The following HGSNAT variants were observed in gnomAD, a reference collection of about 807,000 sequenced individuals.
HGSNAT encodes the protein transmembrane protein 76.
Under a neutral mutation model 85.2 loss-of-function variants are expected in HGSNAT, and 59 were observed. The ratio of observed to expected loss-of-function variants is 0.69; its 90% CI spans 0.56 to 0.86. The LOEUF is 0.86. HGSNAT is among the 40% of genes least tolerant of loss of function. The pLI is 0.00. For missense variants in HGSNAT, 756 were observed against 777.1 expected (o/e 0.97, Z 0.32); for synonymous variants, 321 against 304.5 (o/e 1.05, Z -0.56).
At chr8:43,194,514 GTGT>G in intron 14 of HGSNAT, 5 of 985,252 alleles carry the variant, frequency 5.1e-6, no homozygotes, top group Non-Finnish European at 6.0e-6. Flanking sequence ...ATTAGTCTGT[GTGT>G]CCTGACCTAA....
chr8:43,148,599 C>T (rs555588163), intron 2 of HGSNAT, among the ~76,000 whole-genome samples: 1 of 151,594 alleles, frequency 6.6e-6, no homozygotes, highest in Admixed American at 6.6e-5. Context: ...ATCAGCCTGG[C>T]CAACATGGTG....
chr8:43,170,202 C>T (rs968510792), intron 6 of HGSNAT, among the ~76,000 whole-genome samples: 1 of 152,184 alleles, frequency 6.6e-6, no homozygotes, highest in Non-Finnish European at 1.5e-5. Context: ...AAAATTGATG[C>T]CGGTTGCGGT....
At chr8:43,196,083 C>A (rs945631785) in intron 14 of HGSNAT, 1 of 262,346 alleles carries the variant, frequency 3.8e-6, no homozygotes, top group Middle Eastern at 1.5e-3. Flanking sequence ...GACCTGGAGC[C>A]ACGCTCCCTG....
At chr8:43,145,129 C>T (rs1021722702) in intron 1 of HGSNAT, among the ~76,000 whole-genome samples, 3 of 152,160 alleles carry the variant, frequency 2.0e-5, no homozygotes, top group Non-Finnish European at 2.9e-5. Flanking sequence ...ATGGGCCTCC[C>T]TTGGCACCCA....
rs1401712530 is a variant in HGSNAT, at chr8:43,182,239, T to C, written c.1107T>C (p.Pro369=). The C allele has an allele frequency of 1.2e-6, 2 of 1,613,634 alleles. No individual in the cohort carries two copies. Among genetic ancestry groups the C allele is most frequent in the Non-Finnish European group, 1.7e-6 (2 of 1,179,636 alleles). ...TGTTGGAGCTCCTCTTTGCTAAACC[T>C]GTGCCTGAACATTGTGCCTCGGTGA... is the stretch of plus-strand genomic sequence containing the variant. ...VAVLELLFAK[P]VPEHCASERS... is the part of the protein sequence containing the mutation. Residue 369 remains proline (P), a synonymous_variant, in exon 11 of 18, where the codon CCT becomes CCC. Transcript: ENST00000379644.
intron 9 of HGSNAT, among the ~76,000 whole-genome samples, chr8:43,177,414 C>T (rs1005085956): frequency 2.6e-5 from 4 of 151,690 alleles, no homozygotes; most frequent in East Asian, 1.9e-4. Context: ...GAAAATTAGC[C>T]GGGCACGGTG....
chr8:43,175,205 T>G (rs1433944111), intron 9 of HGSNAT, among the ~76,000 whole-genome samples: 1 of 152,170 alleles, frequency 6.6e-6, no homozygotes, highest in African/African-American at 2.4e-5. Context: ...GAGTATCTCT[T>G]CAATATACTG....
chr8:43,157,562 G>T (rs1429192700), intron 2 of HGSNAT, among the ~76,000 whole-genome samples: 2 of 152,168 alleles, frequency 1.3e-5, no homozygotes, highest in African/African-American at 4.8e-5. Context: ...CATCACCTGA[G>T]TTCAGGAGTT....
Position 43,147,029 on chromosome 8 carries a change from T to G in HGSNAT, c.200T>G (p.Leu67Trp). 6.2e-7 allele frequency: 1 copy of G among 1,607,514 alleles called. No homozygotes were observed. The highest frequency in any genetic ancestry group is 8.5e-7 in the Non-Finnish European group (1 of 1,177,700). ...CATAATGAACTTCTCTGGACCAACT[T>G]GACCGTCTACTGGAAATCTGAATGC... ...LIHNELLWTNLTVYWKSECCY... is the reference protein window; with the variant it reads ...LIHNELLWTNWTVYWKSECCY... The change falls in exon 2 of 18, where the codon TTG becomes TGG. Residue 67 changes from leucine (L) to tryptophan (W), a missense_variant. By Grantham distance (61) the Leu-to-Trp change is moderately conservative (BLOSUM62 -2). Coordinates refer to ENST00000379644, the MANE Select transcript of HGSNAT (RefSeq NM_152419.3).
At position 43,150,492 on chromosome 8, in the gene HGSNAT, A is replaced by G. The variant is rs1407857223; in HGVS notation, c.234+3429A>G. 2.6e-5 allele frequency among the ~76,000 whole-genome samples: 4 copies of G among 151,888 alleles called. No homozygotes were observed. In the East Asian group the frequency reaches 5.8e-4, roughly 22 times the overall value. ...CAAAACAAAACAAAAACAAGACTAT[A>G]CAATGTGGAAAATACATAAAAAAGA... On this transcript the variant is annotated intron_variant, in intron 2 of 17. Coordinates refer to ENST00000379644, the MANE Select transcript of HGSNAT (RefSeq NM_152419.3).
Position 43,148,780 on chromosome 8 carries a change from C to T in HGSNAT, c.234+1717C>T, listed in dbSNP as rs12334355. ...TGCACTCTAACCTGGGCAACAAGAG[C>T]GAAACTCCGTCTCAAGAAAAAAAAA... is the stretch of plus-strand genomic sequence containing the variant. On this transcript the variant is annotated intron_variant, in intron 2 of 17. Transcript: ENST00000379644. Among the ~76,000 whole-genome samples the T allele has an allele frequency of 8.3e-3, 1,168 of 141,104 alleles. 22 individuals are homozygous for T. The highest frequency in any genetic ancestry group is 0.029 in the African/African-American group (1,106 of 37,794). The allele number at this position is 141,104 out of a possible 152,430, so 92.6% of individuals were successfully genotyped here.
chr8:43,178,027 C>T, intron 9 of HGSNAT, 47 bp from the exon 10 acceptor site: 1 of 1,519,516 alleles, frequency 6.6e-7, no homozygotes, highest in Non-Finnish European at 9.1e-7. Context: ...GATATATAGA[C>T]AAAAAATTTG....
intron 11 of HGSNAT, among the ~76,000 whole-genome samples, chr8:43,184,820 G>A (rs1053048781): frequency 6.6e-6 from 1 of 152,170 alleles, no homozygotes; most frequent in Non-Finnish European, 1.5e-5. Flanking sequence ...TGTATAAGGT[G>A]TAAGGAAGCG....
chr8:43,184,404 T>A, intron 11 of HGSNAT, among the ~76,000 whole-genome samples: 1 of 152,224 alleles, frequency 6.6e-6, no homozygotes, highest in Non-Finnish European at 1.5e-5. Flanking sequence ...GAGCATTTTT[T>A]CATGTGTCTG....
Position 43,147,048 on chromosome 8 carries a change from T to C in HGSNAT, c.219T>C (p.Ser73=). Residue 73 remains serine, a synonymous_variant, in exon 2 of 18, where the codon TCT becomes TCC. Coordinates refer to ENST00000379644, the MANE Select transcript of HGSNAT (RefSeq NM_152419.3). Reference sequence around the variant, plus strand: ...CCAACTTGACCGTCTACTGGAAATCTGAATGCTGTTATCACGTATGTATCA... The same window carrying C: ...CCAACTTGACCGTCTACTGGAAATCCGAATGCTGTTATCACGTATGTATCA... ...LWTNLTVYWK[S]ECCYHCLFQV... is the part of the protein sequence containing the mutation. 6.3e-7 allele frequency: 1 copy of C among 1,595,964 alleles called. No homozygotes were observed. Among genetic ancestry groups the C allele is most frequent in the Non-Finnish European group, 8.5e-7 (1 of 1,170,392 alleles).
Position 43,188,729 on chromosome 8 carries a change from G to A in HGSNAT, c.1129-2745G>A, listed in dbSNP as rs544944658. Among the ~76,000 whole-genome samples the A allele has an allele frequency of 4.4e-4, 67 of 152,298 alleles. No individual in the cohort carries two copies. The South Asian group carries it at 0.012, about 28-fold the overall frequency. On this transcript the variant is annotated intron_variant, in intron 11 of 17. Transcript: ENST00000379644. ...TCCTTTGGAGGAGAAGAGGCGCTCT[G>A]ATTTTTAGAATTTTCAGCTTTTCTG...
At chr8:43,164,316 C>T (rs116339323) in intron 5 of HGSNAT, among the ~76,000 whole-genome samples, 1 of 152,112 alleles carries the variant, frequency 6.6e-6, no homozygotes, top group African/African-American at 2.4e-5. Flanking sequence ...TATTGCACTT[C>T]ACAGATATTG....
At chr8:43,140,837 T>G (rs1003874961) in intron 1 of HGSNAT, among the ~76,000 whole-genome samples, 4 of 151,812 alleles carry the variant, frequency 2.6e-5, no homozygotes, top group Non-Finnish European at 5.9e-5. Context: ...AGGGGGCGGT[T>G]CGGACCGCGG....
intron 14 of HGSNAT, chr8:43,196,543 G>T (rs1249406091): frequency 5.4e-6 from 7 of 1,287,676 alleles, no homozygotes; most frequent in Non-Finnish European, 7.1e-6. Context: ...CTGCCCAGGT[G>T]CCCCTTCTCC....
Sources: gnomAD v4.1 joint callset for allele counts (sites outside exome capture counted in the v4.1 genomes callset) on GRCh38, gnomAD v4.1.1 for gene constraint, MANE v1.5 for transcripts, NCBI Gene and HGNC (gene_info 2026-07-23, HGNC 2026-07-21) for gene names.